Variants in CTNNBL1 observed in about 807,000 individuals in gnomAD.
The protein encoded by CTNNBL1 is beta-catenin-like protein 1.
Under a neutral mutation model 72.7 loss-of-function variants are expected in CTNNBL1, and 31 were observed. That is an observed-to-expected ratio of 0.43 (90% confidence interval 0.32 to 0.58). The LOEUF (loss-of-function observed/expected upper bound fraction) is 0.58. Among genes scored for constraint, CTNNBL1 ranks in the 20% least tolerant of loss-of-function variants. The pLI is 0.08. For missense variants in CTNNBL1, 534 were observed against 725.1 expected (o/e 0.74, Z 3.03); for synonymous variants, 240 against 267.3 (o/e 0.90, Z 1.00).
At chr20:37,708,880 T>G (rs909172403) in intron 1 of CTNNBL1, among the ~76,000 whole-genome samples, 1 of 152,184 alleles carries the variant, frequency 6.6e-6, no homozygotes, top group Non-Finnish European at 1.5e-5. Context: ...GGCTCACACC[T>G]GTAATCCCAG....
Position 37,712,104 on chromosome 20 carries a change from A to G in CTNNBL1, c.30+17952A>G, listed in dbSNP as rs6125959. Among the ~76,000 whole-genome samples, 430 of 152,344 alleles carry G rather than the reference A, an allele frequency of 2.8e-3. 5 individuals are homozygous for G. The highest frequency in any genetic ancestry group is 0.017 in the East Asian group (88 of 5,186). On this transcript the variant is annotated intron_variant, in intron 1 of 15. Coordinates refer to ENST00000361383, the MANE Select transcript of CTNNBL1 (RefSeq NM_030877.5). ...GCTGCAGAGGGCCTCAGCTGAAGCC[A>G]TGCTGTCCCTGGGATAATTGCTTTC...
chr20:37,742,725 TAA>T (rs529331367), intron 3 of CTNNBL1, among the ~76,000 whole-genome samples: 1 of 107,178 alleles, frequency 9.3e-6, no homozygotes, highest in Non-Finnish European at 1.7e-5. Flanking sequence ...TGTTATTGAT[TAA>T]AAAAAAATAA....
chr20:37,816,181 AATT>A (rs1306966623), intron 11 of CTNNBL1, among the ~76,000 whole-genome samples: 2 of 152,154 alleles, frequency 1.3e-5, no homozygotes, highest in Non-Finnish European at 2.9e-5. Flanking sequence ...CCCAAACAGA[AATT>A]ATTCTCAAGT....
At chr20:37,867,235 GT>G (rs1323255957) in intron 15 of CTNNBL1, among the ~76,000 whole-genome samples, 3 of 152,078 alleles carry the variant, frequency 2.0e-5, no homozygotes, top group Non-Finnish European at 2.9e-5. Flanking sequence ...ATCTTCAAGG[GT>G]TTTCAATGTG....
intron 13 of CTNNBL1, among the ~76,000 whole-genome samples, chr20:37,850,572 C>T (rs1262173875): frequency 1.6e-4 from 1 of 6,228 alleles, no homozygotes; most frequent in African/African-American, 6.5e-4. Context: ...CCATCAGTTT[C>T]TTCAGCCTCA....
rs943216158 is a variant in CTNNBL1 at position 37,867,744 on chromosome 20, C to G, written c.1604-4181C>G. Among the ~76,000 whole-genome samples the G allele has an allele frequency of 1.3e-5, 2 of 152,208 alleles. 1 individual carries two copies. Among genetic ancestry groups the G allele is most frequent in the Middle Eastern group, 6.8e-3 (2 of 294 alleles). The stretch of plus-strand genomic sequence containing the variant: ...ACACACACATGCAGCAGAGAGAACT[C>G]TTTCCCAAGACCTCTGGGAGGACTC... On this transcript the variant is annotated intron_variant, in intron 15 of 15. Transcript: ENST00000361383.
At chr20:37,695,580 T>G (rs2072783892) in intron 1 of CTNNBL1, among the ~76,000 whole-genome samples, 1 of 152,210 alleles carries the variant, frequency 6.6e-6, no homozygotes, top group African/African-American at 2.4e-5. Flanking sequence ...AAACAACATA[T>G]ATAGTTCAGC....
At chr20:37,694,637 G>T (rs2072774541) in intron 1 of CTNNBL1, among the ~76,000 whole-genome samples, 1 of 152,186 alleles carries the variant, frequency 6.6e-6, no homozygotes, top group Non-Finnish European at 1.5e-5. Context: ...CCTTAGTAGG[G>T]TTGTTTGAGG....
intron 11 of CTNNBL1, among the ~76,000 whole-genome samples, chr20:37,838,487 G>A (rs1356038088): frequency 6.6e-6 from 1 of 152,210 alleles, no homozygotes; most frequent in Non-Finnish European, 1.5e-5. Flanking sequence ...ATTTTCACTG[G>A]TTTTGGCTGG....
chr20:37,765,290 G>C lies in CTNNBL1; in HGVS notation c.658G>C (p.Ala220Pro). ...EEADGVHNTL[A>P]IVENMAEFRP... is the part of the protein sequence containing the mutation. ...GGCAGATGGCGTCCACAACACTCTG[G>C]GTGAGAGGAAGGGTGCTTGCCATTG... The change falls in exon 6 of 16, where the codon GCT becomes CCT. Residue 220 changes from alanine (A) to proline (P), a missense_variant and splice_region_variant. Ala to Pro is a conservative substitution (Grantham distance 27). Coordinates refer to ENST00000361383, the MANE Select transcript of CTNNBL1 (RefSeq NM_030877.5). The C allele has an allele frequency of 6.5e-7, 1 of 1,545,172 alleles. No homozygotes were observed. The highest frequency in any genetic ancestry group is 2.4e-5 in the East Asian group (1 of 40,880).
At chr20:37,836,289 G>A (rs896369800) in intron 11 of CTNNBL1, among the ~76,000 whole-genome samples, 5 of 152,190 alleles carry the variant, frequency 3.3e-5, no homozygotes, top group African/African-American at 1.2e-4. Context: ...GGAGATTGGT[G>A]TAAACTCAGA....
intron 4 of CTNNBL1, chr20:37,750,955 T>G (rs1392096330): frequency 6.6e-6 from 1 of 152,064 alleles, no homozygotes; most frequent in Non-Finnish European, 1.5e-5. Flanking sequence ...ATCTCTGGCT[T>G]GGGGGTGTGG....
intron 3 of CTNNBL1, among the ~76,000 whole-genome samples, chr20:37,740,501 TTC>T (rs2073206499): frequency 6.6e-6 from 1 of 152,222 alleles, no homozygotes; most frequent in African/African-American, 2.4e-5. Flanking sequence ...TGCCTGATCT[TTC>T]TCCTAAACAC....
intron 3 of CTNNBL1, among the ~76,000 whole-genome samples, chr20:37,741,188 T>C (rs754388857): frequency 2.6e-5 from 4 of 152,226 alleles, no homozygotes; most frequent in African/African-American, 4.8e-5. Flanking sequence ...CCGTCACCTC[T>C]AACTTTATCC....
intron 11 of CTNNBL1, among the ~76,000 whole-genome samples, chr20:37,824,813 T>TCC (rs2072143670): frequency 6.6e-6 from 1 of 152,170 alleles, no homozygotes; most frequent in Non-Finnish European, 1.5e-5. Context: ...TGCCTCATGG[T>TCC]CCCAGATGGC....
intron 10 of CTNNBL1, among the ~76,000 whole-genome samples, chr20:37,801,141 A>G (rs552991913): frequency 7.2e-5 from 11 of 152,224 alleles, no homozygotes; most frequent in Non-Finnish European, 1.3e-4. Flanking sequence ...ATCTTTCCCA[A>G]TCATGTGAGA....
chr20:37,819,565 A>G (rs1377338673), intron 11 of CTNNBL1, among the ~76,000 whole-genome samples: 1 of 152,248 alleles, frequency 6.6e-6, no homozygotes, highest in Admixed American at 6.5e-5. Context: ...TGGTCTATGA[A>G]GTATTCTGTC....
At chr20:37,749,691 G>C (rs2073300741) in intron 4 of CTNNBL1, among the ~76,000 whole-genome samples, 1 of 152,024 alleles carries the variant, frequency 6.6e-6, no homozygotes, top group Non-Finnish European at 1.5e-5. Context: ...AGCAAATAGG[G>C]GTAAATGTCA....
intron 1 of CTNNBL1, among the ~76,000 whole-genome samples, chr20:37,704,800 C>A (rs2072871893): frequency 6.6e-6 from 1 of 152,018 alleles, no homozygotes; most frequent in Admixed American, 6.6e-5. Flanking sequence ...ATGGTGAGAT[C>A]CAACAGAGGC....
Sources: gnomAD v4.1 joint callset for allele counts (sites outside exome capture counted in the v4.1 genomes callset) on GRCh38, gnomAD v4.1.1 for gene constraint, MANE v1.5 for transcripts, NCBI Gene and HGNC (gene_info 2026-07-23, HGNC 2026-07-21) for gene names.